Variants in DGKG observed in about 807,000 individuals in gnomAD.
DGKG encodes diacylglycerol kinase gamma.
A neutral mutation model predicts 105.3 loss-of-function variants in DGKG; 78 were observed. The observed-to-expected ratio is 0.74, with a 90% CI of 0.62 to 0.89. The LOEUF is 0.89. Among genes scored for constraint, DGKG ranks in the 40% least tolerant of loss-of-function variants. The pLI is 0.00. For missense variants in DGKG, 958 were observed against 1,020.1 expected (o/e 0.94, Z 0.83); for synonymous variants, 346 against 367.1 (o/e 0.94, Z 0.66).
chr3:186,306,192 A>G (rs1199571115), intron 3 of DGKG, among the ~76,000 whole-genome samples: 1 of 152,218 alleles, frequency 6.6e-6, no homozygotes, highest in East Asian at 1.9e-4. Flanking sequence ...GAGAATTTGG[A>G]GGCAATGAGT....
intron 21 of DGKG, among the ~76,000 whole-genome samples, chr3:186,192,794 C>CTTAG (rs1404278985): frequency 6.6e-6 from 1 of 152,158 alleles, no homozygotes; most frequent in African/African-American, 2.4e-5. Context: ...TTATAGAGTG[C>CTTAG]TTAGAGCAAT....
chr3:186,267,617 G>A, intron 13 of DGKG, 68 bp downstream of exon 13: 1 of 1,260,738 alleles, frequency 7.9e-7, no homozygotes, highest in Non-Finnish European at 1.2e-6. Flanking sequence ...GTGAATGTCT[G>A]AAAGCTGCCT....
intron 5 of DGKG, among the ~76,000 whole-genome samples, chr3:186,290,182 T>A (rs1356194411): frequency 2.0e-5 from 3 of 152,206 alleles, no homozygotes; most frequent in African/African-American, 7.2e-5. Context: ...CTTAGCGGGA[T>A]GCAAGAAGAT....
At chr3:186,322,696 G>T (rs1725136492) in intron 1 of DGKG, among the ~76,000 whole-genome samples, 1 of 152,168 alleles carries the variant, frequency 6.6e-6, no homozygotes, top group Non-Finnish European at 1.5e-5. Context: ...CCGGCATGCT[G>T]CGGCAGCCCT....
intron 20 of DGKG, among the ~76,000 whole-genome samples, chr3:186,214,725 T>A (rs1219094088): frequency 6.6e-6 from 1 of 152,166 alleles, no homozygotes; most frequent in African/African-American, 2.4e-5. Context: ...ATGTTTGGTG[T>A]GAGACAAAGT....
rs201432882 is a variant in DGKG at position 186,315,661 on chromosome 3, T to TA, written c.67+4731dup. On this transcript the variant is annotated intron_variant, in intron 2 of 24. Coordinates refer to ENST00000265022, the MANE Select transcript of DGKG (RefSeq NM_001346.3). ...GTTAGATGAAATAGTACAAATGTAG[T>TA]AAAAAAAAAAAAAAATCTCTGCAAC... 5.7e-3 allele frequency among the ~76,000 whole-genome samples: 808 copies of TA among 141,068 alleles called. 4 individuals are homozygous for TA. Among genetic ancestry groups the TA allele is most frequent in the African/African-American group, 0.014 (520 of 38,278 alleles). The allele number at this position is 141,068 out of a possible 152,430, so 92.5% of individuals were successfully genotyped here. A position where few individuals can be genotyped will look rare whatever the true frequency, so the allele number is the denominator to read the frequency against.
intron 3 of DGKG, among the ~76,000 whole-genome samples, chr3:186,300,960 C>A (rs1435597408): frequency 6.6e-6 from 1 of 152,220 alleles, no homozygotes; most frequent in African/African-American, 2.4e-5. Context: ...TTAGCTTGCT[C>A]CCTGAAAACC....
intron 21 of DGKG, among the ~76,000 whole-genome samples, chr3:186,192,224 C>A (rs1021353126): frequency 6.6e-6 from 1 of 152,068 alleles, no homozygotes; most frequent in African/African-American, 2.4e-5. Context: ...GTTGGCCAGC[C>A]GGGTCTTGAA....
At position 186,288,886 on chromosome 3, in the gene DGKG, A is replaced by T. The variant is rs199557988; in HGVS notation, c.374-6T>A. 361 of 1,547,274 alleles carry T rather than the reference A, an allele frequency of 2.3e-4. 1 individual carries two copies. Among genetic ancestry groups the T allele is most frequent in the Middle Eastern group, 1.7e-4 (1 of 5,770 alleles). The stretch of plus-strand genomic sequence containing the variant: ...CTTCTCAGCCATATTTGATTCTGCG[A>T]TGAACAAAAGGAAAACATCCAAGGA... On this transcript the variant is annotated splice_region_variant and splice_polypyrimidine_tract_variant and intron_variant, in intron 5 of 24. Coordinates refer to ENST00000265022, the MANE Select transcript of DGKG (RefSeq NM_001346.3).
intron 20 of DGKG, among the ~76,000 whole-genome samples, chr3:186,239,552 G>A (rs1720575412): frequency 6.6e-6 from 1 of 152,218 alleles, no homozygotes. Flanking sequence ...GCCTCTCAGT[G>A]GACAAATTGG....
At chr3:186,290,594 C>A (rs1723271132) in intron 5 of DGKG, among the ~76,000 whole-genome samples, 2 of 152,158 alleles carry the variant, frequency 1.3e-5, no homozygotes, top group African/African-American at 4.8e-5. Flanking sequence ...GAGATGACTC[C>A]TACAACTGCC....
chr3:186,295,456 T>C (rs1402358445), intron 5 of DGKG, among the ~76,000 whole-genome samples: 1 of 151,592 alleles, frequency 6.6e-6, no homozygotes, highest in African/African-American at 2.4e-5. Context: ...GAGCTGAGAT[T>C]GTGCCACTGC....
chr3:186,286,831 C>T (rs1005832185), intron 6 of DGKG, among the ~76,000 whole-genome samples: 10 of 151,912 alleles, frequency 6.6e-5, no homozygotes, highest in African/African-American at 1.9e-4. Flanking sequence ...GTCAGAAGTT[C>T]GAGACCAGCC....
chr3:186,167,523 G>A (rs1024869428), intron 22 of DGKG, among the ~76,000 whole-genome samples: 3 of 152,068 alleles, frequency 2.0e-5, no homozygotes, highest in Non-Finnish European at 4.4e-5. Flanking sequence ...AGATACTCAG[G>A]TACAACTTAA....
At chr3:186,263,773 A>C (rs968044783) in intron 14 of DGKG, among the ~76,000 whole-genome samples, 1 of 152,026 alleles carries the variant, frequency 6.6e-6, no homozygotes, top group South Asian at 2.1e-4. Flanking sequence ...ATAGCACCAG[A>C]CACAAGAGTG....
At chr3:186,191,822 A>G (rs924348772) in intron 21 of DGKG, among the ~76,000 whole-genome samples, 7 of 152,208 alleles carry the variant, frequency 4.6e-5, no homozygotes, top group East Asian at 1.9e-4. Flanking sequence ...GGCTCAACCA[A>G]CACTCTCTGT....
intron 22 of DGKG, among the ~76,000 whole-genome samples, chr3:186,176,711 C>T (rs999867180): frequency 1.3e-5 from 2 of 152,104 alleles, no homozygotes; most frequent in Non-Finnish European, 2.9e-5. Flanking sequence ...CTCGGGGGTG[C>T]TGTAGAGGAT....
chr3:186,311,110 C>T (rs1724520407), intron 2 of DGKG, among the ~76,000 whole-genome samples: 1 of 152,124 alleles, frequency 6.6e-6, no homozygotes, highest in Non-Finnish European at 1.5e-5. Context: ...CTGGGGAGCT[C>T]TATACACACT....
chr3:186,175,543 G>A (rs1279595331), intron 22 of DGKG, among the ~76,000 whole-genome samples: 1 of 152,164 alleles, frequency 6.6e-6, no homozygotes, highest in Non-Finnish European at 1.5e-5. Flanking sequence ...CTGTGTGGTG[G>A]GGAATGTCCC....
Sources: gnomAD v4.1 joint callset for allele counts (sites outside exome capture counted in the v4.1 genomes callset) on GRCh38, gnomAD v4.1.1 for gene constraint, MANE v1.5 for transcripts, NCBI Gene and HGNC (gene_info 2026-07-23, HGNC 2026-07-21) for gene names.